TRAT1: variants seen among roughly 807,000 people sequenced by gnomAD.
The protein encoded by TRAT1 is T cell receptor associated transmembrane adaptor 1.
A neutral mutation model predicts 20.0 loss-of-function variants in TRAT1; 20 were observed. The observed-to-expected ratio is 1.00, with a 90% CI of 0.70 to 1.45. TRAT1 has a LOEUF of 1.45. TRAT1 is among the 40% of genes most tolerant of loss of function. The probability of loss-of-function intolerance (pLI) is 0.00; values close to 1 mark genes in which losing one functional copy is unlikely to be tolerated. For synonymous variants in TRAT1, 77 were observed against 74.2 expected, an observed-to-expected ratio of 1.04 and a Z score of -0.20; for missense variants, 237 against 224.1, an observed-to-expected ratio of 1.06 and a Z score of -0.37.
At chr3:108,827,830 T>C (rs1236062909) in intron 1 of TRAT1, among the ~76,000 whole-genome samples, 1 of 152,130 alleles carries the variant, frequency 6.6e-6, no homozygotes, top group East Asian at 1.9e-4. Flanking sequence ...ATGTACAGTG[T>C]GACCCAAATT....
intron 2 of TRAT1, among the ~76,000 whole-genome samples, chr3:108,837,893 T>G (rs1945853819): frequency 6.6e-6 from 1 of 152,298 alleles, no homozygotes; most frequent in African/African-American, 2.4e-5. Flanking sequence ...TCATCATGAA[T>G]CTATTGCCTT....
intron 5 of TRAT1, among the ~76,000 whole-genome samples, chr3:108,852,155 C>T (rs1212826476): frequency 2.6e-5 from 4 of 152,102 alleles, no homozygotes; most frequent in South Asian, 2.1e-4. Flanking sequence ...CCGAGGCGGG[C>T]GGATCACCTG....
intron 3 of TRAT1, 63 bp downstream of exon 3, chr3:108,839,030 A>G: frequency 7.7e-7 from 1 of 1,296,826 alleles, no homozygotes; most frequent in Non-Finnish European, 1.1e-6. Context: ...ACAATGCTAT[A>G]TTGTTTAAAG....
At chr3:108,828,551 A>G (rs1945763613) in intron 1 of TRAT1, among the ~76,000 whole-genome samples, 1 of 152,166 alleles carries the variant, frequency 6.6e-6, no homozygotes, top group Non-Finnish European at 1.5e-5. Flanking sequence ...ACCAGTTCTT[A>G]AGGAAATCCC....
intron 1 of TRAT1, among the ~76,000 whole-genome samples, chr3:108,830,271 A>T (rs926746866): frequency 6.6e-6 from 1 of 152,192 alleles, no homozygotes; most frequent in African/African-American, 2.4e-5. Flanking sequence ...ATTTTCTGTA[A>T]ATAAGGAAAG....
chr3:108,823,036 T>A (rs1192789592), intron 1 of TRAT1, 102 bp downstream of exon 1: 2 of 999,728 alleles, frequency 2.0e-6, no homozygotes, highest in Non-Finnish European at 3.1e-6. Flanking sequence ...AAGTAGTTAT[T>A]TTAAAAATGT....
At chr3:108,828,832 G>A (rs181837900) in intron 1 of TRAT1, among the ~76,000 whole-genome samples, 11 of 152,180 alleles carry the variant, frequency 7.2e-5, no homozygotes, top group Admixed American at 2.0e-4. Flanking sequence ...TTTAATGGTC[G>A]GCGAGATGGA....
At chr3:108,834,065 T>A (rs914165332) in intron 2 of TRAT1, among the ~76,000 whole-genome samples, 1 of 152,166 alleles carries the variant, frequency 6.6e-6, no homozygotes, top group African/African-American at 2.4e-5. Flanking sequence ...CCTCTCCAGC[T>A]CCAACTTCAC....
intron 1 of TRAT1, among the ~76,000 whole-genome samples, chr3:108,829,125 T>C (rs1430265812): frequency 1.3e-5 from 2 of 152,200 alleles, no homozygotes; most frequent in Non-Finnish European, 2.9e-5. Flanking sequence ...CAAAGGTAAA[T>C]GATTACTGCA....
intron 2 of TRAT1, among the ~76,000 whole-genome samples, chr3:108,834,829 C>T: frequency 6.6e-6 from 1 of 152,194 alleles, no homozygotes. Context: ...AGATAAGCCT[C>T]CCCTTGATGT....
intron 1 of TRAT1, among the ~76,000 whole-genome samples, chr3:108,829,594 C>CACACACACACACACACAG (rs1945772574): frequency 6.6e-6 from 1 of 150,954 alleles, no homozygotes; most frequent in Non-Finnish European, 1.5e-5. Flanking sequence ...AAAACACACA[C>CACACACACACACACACAG]ACACACACAC....
intron 2 of TRAT1, among the ~76,000 whole-genome samples, chr3:108,835,849 T>A (rs1945834347): frequency 6.6e-6 from 1 of 152,162 alleles, no homozygotes; most frequent in Non-Finnish European, 1.5e-5. Context: ...CCCCTATTGA[T>A]AATACATTCA....
At chr3:108,846,085 A>T (rs1310543820) in intron 3 of TRAT1, among the ~76,000 whole-genome samples, 1 of 152,168 alleles carries the variant, frequency 6.6e-6, no homozygotes, top group Admixed American at 6.5e-5. Flanking sequence ...CAGCCTTTGA[A>T]TTGTATCACC....
intron 3 of TRAT1, among the ~76,000 whole-genome samples, chr3:108,839,594 C>A (rs1945873774): frequency 6.7e-6 from 1 of 149,742 alleles, no homozygotes; most frequent in South Asian, 2.1e-4. Flanking sequence ...TGCAGTGAGC[C>A]AAGATGGCAC....
intron 2 of TRAT1, among the ~76,000 whole-genome samples, chr3:108,831,084 A>T (rs1294009931): frequency 1.3e-5 from 2 of 152,206 alleles, no homozygotes; most frequent in African/African-American, 4.8e-5. Context: ...ATTGTAGTCT[A>T]TGCTGGGGCA....
chr3:108,844,421 C>A (rs902665053), intron 3 of TRAT1, among the ~76,000 whole-genome samples: 6 of 144,652 alleles, frequency 4.1e-5, no homozygotes, highest in African/African-American at 1.7e-4. Flanking sequence ...GGGTTCACGC[C>A]AGATTATTTT....
intron 5 of TRAT1, among the ~76,000 whole-genome samples, chr3:108,850,384 A>C (rs1366859722): frequency 6.6e-6 from 1 of 151,168 alleles, no homozygotes; most frequent in Non-Finnish European, 1.5e-5. Flanking sequence ...CACTCACTGC[A>C]ACCTCTGCCT....
chr3:108,847,074 T>A lies in TRAT1; in HGVS notation c.159T>A (p.Asp53Glu), dbSNP rs772762757. Residue 53 changes from aspartate to glutamate, a missense_variant, in exon 4 of 6, where the codon GAT (aspartate) becomes GAA (glutamate). Coordinates refer to ENST00000295756, the MANE Select transcript of TRAT1 (RefSeq NM_016388.4). Reference protein sequence around the residue: ...YSYSSDHTRVDEYYIEDTPIY... With the variant: ...YSYSSDHTRVEEYYIEDTPIY... ...TTATTTTTCCTTGTTATAGGGTTGA[T>A]GAGTATTATATTGAAGACACACCAA... is the stretch of plus-strand genomic sequence containing the variant. The A allele has an allele frequency of 6.6e-7, 1 of 1,523,848 alleles. No individual in the cohort carries two copies. The highest frequency in any genetic ancestry group is 9.0e-7 in the Non-Finnish European group (1 of 1,107,550). 94.4% of individuals were successfully genotyped at this position (1,523,848 alleles called of 1,614,324 possible).
chr3:108,825,964 C>T (rs973177888), intron 1 of TRAT1, among the ~76,000 whole-genome samples: 2 of 152,140 alleles, frequency 1.3e-5, no homozygotes, highest in African/African-American at 4.8e-5. Context: ...AGTTCATCTA[C>T]AGCAGCACTT....
Sources: allele counts gnomAD v4.1 joint callset (sites outside exome capture counted in the v4.1 genomes callset), GRCh38; gene constraint gnomAD v4.1.1; transcripts MANE v1.5; gene names NCBI Gene and HGNC (gene_info 2026-07-23, HGNC 2026-07-21).